The following TANC2 variants were observed in gnomAD, a reference collection of about 807,000 sequenced individuals.
The protein encoded by TANC2 is protein TANC2.
In TANC2, 26 loss-of-function variants were observed where a neutral mutation model predicts 210.5. The ratio of observed to expected loss-of-function variants is 0.12; its 90% confidence interval spans 0.09 to 0.17. TANC2 has a LOEUF of 0.17. Among genes scored for constraint, TANC2 ranks in the 10% least tolerant of loss-of-function variants. The pLI is 1.00. For synonymous variants in TANC2, 931 were observed against 967.1 expected (o/e 0.96, Z 0.69); for missense variants, 2,129 against 2,608.9 (o/e 0.82, Z 4.01).
At chr17:63,083,506 G>C (rs1456598314) in intron 3 of TANC2, among the ~76,000 whole-genome samples, 2 of 152,102 alleles carry the variant, frequency 1.3e-5, no homozygotes, top group Non-Finnish European at 2.9e-5. Context: ...CTGGTCCTCA[G>C]ACCAGAAAGG....
At chr17:63,409,620 G>A (rs766757601) in intron 21 of TANC2, among the ~76,000 whole-genome samples, 6 of 152,162 alleles carry the variant, frequency 3.9e-5, no homozygotes, top group Non-Finnish European at 7.3e-5. Context: ...AAACATCATA[G>A]AGTGCACTTA....
chr17:63,234,098 CAA>C (rs2042553693), intron 7 of TANC2, among the ~76,000 whole-genome samples: 1 of 152,202 alleles, frequency 6.6e-6, no homozygotes, highest in South Asian at 2.1e-4. Flanking sequence ...GCAGTCTTCT[CAA>C]GAGCTAATAG....
In TANC2 at chr17:63,321,889, A is replaced by G. The variant is rs545529913; in HGVS notation, c.1575+2799A>G. Among the ~76,000 whole-genome samples the G allele has an allele frequency of 4.2e-4, 64 of 152,282 alleles. No homozygotes were observed. In the South Asian group the frequency reaches 5.8e-3, roughly 14 times the overall value. Reference sequence around the variant, plus strand: ...GGATCTAACTTCTTACATAAACTTCATATAAATTCTGTGTTTTCAGGTCCC... The same window carrying G: ...GGATCTAACTTCTTACATAAACTTCGTATAAATTCTGTGTTTTCAGGTCCC... On this transcript the variant is annotated intron_variant, in intron 11 of 27. Transcript: ENST00000689528.
At chr17:63,267,321 A>G (rs1190210003) in intron 8 of TANC2, among the ~76,000 whole-genome samples, 1 of 152,182 alleles carries the variant, frequency 6.6e-6, no homozygotes, top group Non-Finnish European at 1.5e-5. Flanking sequence ...CATGATCCAG[A>G]CATTCAGAGG....
At chr17:63,024,648 C>A (rs117414208) in intron 2 of TANC2, among the ~76,000 whole-genome samples, 1,760 of 152,292 alleles carry the variant, frequency 0.012, 16 homozygotes, top group Middle Eastern at 0.024. Flanking sequence ...AGTATACACA[C>A]ATTTGCGTGT....
intron 13 of TANC2, among the ~76,000 whole-genome samples, chr17:63,352,296 C>T (rs2046636050): frequency 6.6e-6 from 1 of 152,090 alleles, no homozygotes; most frequent in South Asian, 2.1e-4. Context: ...TCCCTCCTTT[C>T]CCCCTCTGCC....
At chr17:63,160,654 C>T (rs546700316) in intron 5 of TANC2, among the ~76,000 whole-genome samples, 1 of 152,136 alleles carries the variant, frequency 6.6e-6, no homozygotes, top group African/African-American at 2.4e-5. Context: ...CCGTTATTTC[C>T]TTAGAATGAA....
chr17:63,138,162 C>T (rs1052463612), intron 4 of TANC2, among the ~76,000 whole-genome samples: 1 of 152,164 alleles, frequency 6.6e-6, no homozygotes, highest in African/African-American at 2.4e-5. Flanking sequence ...CCTCCCACCC[C>T]CTGCGTCTCT....
At chr17:63,286,402 T>G (rs2044220993) in intron 9 of TANC2, among the ~76,000 whole-genome samples, 1 of 152,170 alleles carries the variant, frequency 6.6e-6, no homozygotes, top group African/African-American at 2.4e-5. Context: ...GTTGACAGAT[T>G]TTTTTTCCTT....
chr17:63,352,263 A>C (rs1334250237), intron 13 of TANC2, among the ~76,000 whole-genome samples: 1 of 152,120 alleles, frequency 6.6e-6, no homozygotes, highest in Non-Finnish European at 1.5e-5. Flanking sequence ...GCTGATGTAC[A>C]GAAAATAGTC....
At chr17:63,163,596 T>C (rs1228957968) in intron 5 of TANC2, among the ~76,000 whole-genome samples, 1 of 152,222 alleles carries the variant, frequency 6.6e-6, no homozygotes, top group African/African-American at 2.4e-5. Flanking sequence ...TACCACTACC[T>C]TTTATTCTGA....
chr17:62,999,163 T>C (rs2033254607), intron 1 of TANC2, among the ~76,000 whole-genome samples: 1 of 152,130 alleles, frequency 6.6e-6, no homozygotes, highest in African/African-American at 2.4e-5. Flanking sequence ...GAGTCAGCTC[T>C]TGAGAGATGT....
At chr17:63,242,859 T>C (rs72845219) in intron 8 of TANC2, among the ~76,000 whole-genome samples, 7,718 of 152,234 alleles carry the variant, frequency 0.051, 282 homozygotes, top group Non-Finnish European at 0.081. Flanking sequence ...ATAATTATTC[T>C]ATTTGAAAGA....
rs774303134 is a variant in TANC2, at chr17:63,340,335, A to G, written c.1807+3A>G. The G allele has an allele frequency of 1.2e-6, 2 of 1,612,922 alleles. No homozygotes were observed. Among genetic ancestry groups the G allele is most frequent in the Non-Finnish European group, 8.5e-7 (1 of 1,179,194 alleles). ...GCCACTAGAAAATCTCCATAAAGGT[A>G]CAGATAAGGCCCAAAGGAGGGGAAA... On this transcript the variant is annotated splice_donor_region_variant and intron_variant, in intron 12 of 27. Transcript: ENST00000689528.
Position 63,165,275 on chromosome 17 carries a change from T to TAA in TANC2, c.433+13904_433+13905dup, listed in dbSNP as rs111828360. ...GGCTGTAACAGAGTGAGACCCTATT[T>TAA]AAAAAAAAAAGAAAGAAATGCACTT... On this transcript the variant is annotated intron_variant, in intron 5 of 27. Coordinates refer to ENST00000689528, the Ensembl canonical transcript of TANC2. Among the ~76,000 whole-genome samples, 458 of 149,976 alleles carry TAA rather than the reference T, an allele frequency of 3.1e-3. 2 individuals are homozygous for TAA. Among genetic ancestry groups the TAA allele is most frequent in the Non-Finnish European group, 3.6e-3 (244 of 67,356 alleles).
intron 2 of TANC2, among the ~76,000 whole-genome samples, chr17:63,022,340 CAAAA>C (rs71155967): frequency 1.4e-4 from 20 of 138,056 alleles, no homozygotes; most frequent in Non-Finnish European, 2.9e-4. Flanking sequence ...AACTCCATCT[CAAAA>C]AAAAAAAAAA....
At chr17:63,098,459 CACACACACACACACACACACAT>C (rs1269065060) in intron 3 of TANC2, among the ~76,000 whole-genome samples, 4,258 of 60,398 alleles carry the variant, frequency 0.07, 308 homozygotes, top group African/African-American at 0.21. Context: ...CACACACACA[CACACACACACACACACACACAT>C]ACACTCTCTC....
chr17:63,395,647 C>T (rs2048130897), intron 17 of TANC2, 96 bp from the exon 18 acceptor site: 4 of 1,150,784 alleles, frequency 3.5e-6, no homozygotes, highest in Admixed American at 2.2e-5. Flanking sequence ...AAGGATGATT[C>T]TTAGTAGCCT....
chr17:63,404,733 CTT>C (rs1415147161), intron 19 of TANC2, among the ~76,000 whole-genome samples: 1 of 151,628 alleles, frequency 6.6e-6, no homozygotes, highest in Non-Finnish European at 1.5e-5. Flanking sequence ...AAAAAAAAAA[CTT>C]TTTATCTCTG....
Sources: allele counts gnomAD v4.1 joint callset (sites outside exome capture counted in the v4.1 genomes callset), GRCh38; gene constraint gnomAD v4.1.1; transcripts MANE v1.5; gene names NCBI Gene and HGNC (gene_info 2026-07-23, HGNC 2026-07-21).